Variants in PRORP observed in about 807,000 individuals in gnomAD.
PRORP encodes the protein protein only RNase P catalytic subunit.
In PRORP, 51 loss-of-function variants were observed where a neutral mutation model predicts 59.4. The observed-to-expected ratio is 0.86, with a 90% CI of 0.69 to 1.08. The LOEUF is 1.08. Ranked by LOEUF, PRORP falls within the 50% of genes least tolerant of loss-of-function variation. The probability of loss-of-function intolerance (pLI) is 0.00; values close to 1 mark genes in which losing one functional copy is unlikely to be tolerated. For synonymous variants in PRORP, 231 were observed against 245.6 expected (o/e 0.94, Z 0.55); for missense variants, 646 against 690.3 (o/e 0.94, Z 0.72).
intron 5 of PRORP, among the ~76,000 whole-genome samples, chr14:35,193,258 T>C (rs2048929040): frequency 6.6e-6 from 1 of 152,198 alleles, no homozygotes; most frequent in African/African-American, 2.4e-5. Flanking sequence ...TAAAATGGCT[T>C]CAGCAGAATG....
chr14:35,235,441 C>G, intron 5 of PRORP: 1 of 664,796 alleles, frequency 1.5e-6, no homozygotes, highest in Non-Finnish European at 2.8e-6. Context: ...AGTAAGGGAC[C>G]CCCATTTTAT....
At chr14:35,215,780 T>C (rs1412130501) in intron 5 of PRORP, among the ~76,000 whole-genome samples, 2 of 151,624 alleles carry the variant, frequency 1.3e-5, no homozygotes, top group Non-Finnish European at 1.5e-5. Flanking sequence ...TTTTTTTTTC[T>C]TGGGGGGACA....
At chr14:35,258,199 C>A (rs759851365) in intron 5 of PRORP, among the ~76,000 whole-genome samples, 8 of 152,020 alleles carry the variant, frequency 5.3e-5, no homozygotes, top group Non-Finnish European at 1.2e-4. Context: ...ACCATGTTGC[C>A]CAGGCTGGTC....
At chr14:35,253,203 G>A (rs2050654033) in intron 5 of PRORP, among the ~76,000 whole-genome samples, 1 of 151,866 alleles carries the variant, frequency 6.6e-6, no homozygotes, top group African/African-American at 2.4e-5. Flanking sequence ...GTATGCTGGT[G>A]TGCACCTATA....
intron 5 of PRORP, among the ~76,000 whole-genome samples, chr14:35,233,388 G>A (rs1056570096): frequency 6.7e-6 from 1 of 148,992 alleles, no homozygotes; most frequent in Non-Finnish European, 1.5e-5. Context: ...TCAGTGCACA[G>A]CCAGCTTAGT....
At chr14:35,161,528 A>G (rs2138950891) in intron 4 of PRORP, among the ~76,000 whole-genome samples, 1 of 152,222 alleles carries the variant, frequency 6.6e-6, no homozygotes, top group African/African-American at 2.4e-5. Flanking sequence ...TCTTTTTTTA[A>G]AGTAGTTAAC....
At chr14:35,258,421 C>T (rs764138387) in intron 5 of PRORP, among the ~76,000 whole-genome samples, 2 of 151,306 alleles carry the variant, frequency 1.3e-5, no homozygotes, top group African/African-American at 2.4e-5. Context: ...CAAAAGGAGA[C>T]GTATTTCAAG....
At chr14:35,193,775 A>C (rs769653211) in intron 5 of PRORP, among the ~76,000 whole-genome samples, 2 of 152,200 alleles carry the variant, frequency 1.3e-5, no homozygotes, top group East Asian at 3.9e-4. Flanking sequence ...TTAAATATTG[A>C]AGTAGAATTT....
At chr14:35,202,666 A>G (rs763655033) in intron 5 of PRORP, among the ~76,000 whole-genome samples, 6 of 151,942 alleles carry the variant, frequency 3.9e-5, no homozygotes, top group Admixed American at 6.6e-5. Context: ...GCCTCCTTCT[A>G]TCACCCAGGC....
chr14:35,128,114 C>T (rs532720964), intron 4 of PRORP, among the ~76,000 whole-genome samples: 1 of 152,276 alleles, frequency 6.6e-6, no homozygotes, highest in East Asian at 1.9e-4. Flanking sequence ...CTTAGTATCA[C>T]GTTAACTGAT....
intron 5 of PRORP, among the ~76,000 whole-genome samples, chr14:35,238,186 C>T (rs954600080): frequency 1.3e-5 from 2 of 152,070 alleles, no homozygotes; most frequent in African/African-American, 4.8e-5. Context: ...AATTAAGTCA[C>T]TTCCCTGAAT....
chr14:35,198,887 C>T (rs888213950), intron 5 of PRORP, among the ~76,000 whole-genome samples: 2 of 152,298 alleles, frequency 1.3e-5, no homozygotes, highest in African/African-American at 2.4e-5. Flanking sequence ...AAAAATTAGG[C>T]CGGGCGTGGT....
chr14:35,224,747 T>C (rs2049889662), intron 5 of PRORP, among the ~76,000 whole-genome samples: 1 of 152,230 alleles, frequency 6.6e-6, no homozygotes, highest in African/African-American at 2.4e-5. Flanking sequence ...TTCTTAGTTA[T>C]AACTTGGCCA....
At chr14:35,249,235 C>T (rs762811474) in intron 5 of PRORP, among the ~76,000 whole-genome samples, 14 of 152,042 alleles carry the variant, frequency 9.2e-5, no homozygotes, top group Non-Finnish European at 1.8e-4. Context: ...CAATTAATTC[C>T]AGTTCAAGCC....
chr14:35,272,377 C>T (rs969336195), intron 7 of PRORP, among the ~76,000 whole-genome samples: 7 of 152,012 alleles, frequency 4.6e-5, no homozygotes, highest in Non-Finnish European at 1.0e-4. Context: ...CTTTGGGAGG[C>T]CGAAGCAGGA....
intron 4 of PRORP, among the ~76,000 whole-genome samples, chr14:35,160,715 AT>A (rs3837588): frequency 0.4 from 61,034 of 152,028 alleles, 12,748 homozygotes; most frequent in East Asian, 0.68. Context: ...AAGATTCTGT[AT>A]TTTTTTGTTG....
chr14:35,209,020 G>A (rs900146067), intron 5 of PRORP, among the ~76,000 whole-genome samples: 2 of 152,074 alleles, frequency 1.3e-5, no homozygotes, highest in South Asian at 4.2e-4. Context: ...GACAGAGTGA[G>A]ACTTTGTCTC....
In PRORP at chr14:35,139,919, C is replaced by T. The variant is rs866057372; in HGVS notation, c.1167+12308C>T. Among the ~76,000 whole-genome samples, 19 of 145,720 alleles carry T rather than the reference C, an allele frequency of 1.3e-4. 3 individuals are homozygous for T. In the South Asian group the frequency reaches 4.3e-3, roughly 33 times the overall value. On this transcript the variant is annotated intron_variant, in intron 4 of 7. Transcript: ENST00000534898. ...CCAGATCCTGGCAATTGATGGTGTTCCTTGGCTTTTAGCTGCATCACTCCA... is the reference window on the plus strand; with the variant it reads ...CCAGATCCTGGCAATTGATGGTGTTTCTTGGCTTTTAGCTGCATCACTCCA...
At chr14:35,227,678 A>G (rs920098419) in intron 5 of PRORP, among the ~76,000 whole-genome samples, 4 of 152,116 alleles carry the variant, frequency 2.6e-5, no homozygotes, top group African/African-American at 9.7e-5. Context: ...TACTTCTCAG[A>G]GAGTCCCAGT....
Sources: gnomAD v4.1 joint callset for allele counts (sites outside exome capture counted in the v4.1 genomes callset) on GRCh38, gnomAD v4.1.1 for gene constraint, MANE v1.5 for transcripts, NCBI Gene and HGNC (gene_info 2026-07-23, HGNC 2026-07-21) for gene names.